CEP290: variants seen among roughly 807,000 people sequenced by gnomAD.
The protein encoded by CEP290 is centrosomal protein of 290 kDa.
Under a neutral mutation model 344.9 loss-of-function variants are expected in CEP290, and 317 were observed. That is an observed-to-expected ratio of 0.92 (90% confidence interval 0.84 to 1.01). The LOEUF is 1.01. Among genes scored for constraint, CEP290 ranks in the 50% least tolerant of loss-of-function variants. The probability of loss-of-function intolerance (pLI) is 0.00; values close to 1 mark genes in which losing one functional copy is unlikely to be tolerated. For missense variants in CEP290, 2,754 were observed against 2,761.4 expected (o/e 1.00, Z 0.06); for synonymous variants, 932 against 895.8 (o/e 1.04, Z -0.72).
intron 23 of CEP290, among the ~76,000 whole-genome samples, chr12:88,107,408 A>G (rs906269201): frequency 7.2e-5 from 11 of 152,120 alleles, no homozygotes; most frequent in African/African-American, 1.7e-4. Flanking sequence ...ACAGAAAAAA[A>G]GTAGGAAAAT....
intron 27 of CEP290, among the ~76,000 whole-genome samples, chr12:88,095,059 C>T (rs989688112): frequency 6.6e-6 from 1 of 152,100 alleles, no homozygotes; most frequent in African/African-American, 2.4e-5. Flanking sequence ...CTAACAGGTG[C>T]TAAAAGCATT....
At chr12:88,136,813 A>G in intron 5 of CEP290, 27 bp from the exon 6 acceptor site, 2 of 1,603,738 alleles carry the variant, frequency 1.2e-6, no homozygotes. Context: ...CAAAGTATAA[A>G]TTAATCCCAT....
intron 37 of CEP290, 30 bp from the exon 38 acceptor site, chr12:88,080,425 G>T (rs751590425): frequency 3.0e-5 from 45 of 1,507,534 alleles, no homozygotes; most frequent in Middle Eastern, 1.7e-4. Context: ...GTGTGTGTGT[G>T]TTTTTTAATT....
intron 17 of CEP290, among the ~76,000 whole-genome samples, chr12:88,118,128 T>C (rs1469026688): frequency 2.6e-5 from 4 of 151,844 alleles, no homozygotes; most frequent in African/African-American, 9.7e-5. Flanking sequence ...TTGAGTAACA[T>C]ATATTAACAT....
At chr12:88,129,951 C>A in intron 9 of CEP290, 75 bp from the exon 10 acceptor site, 1 of 974,972 alleles carries the variant, frequency 1.0e-6, no homozygotes, top group Non-Finnish European at 1.4e-6. Flanking sequence ...TAAAATTAAA[C>A]GCAGCCATAA....
At position 88,106,898 on chromosome 12, in the gene CEP290, A is replaced by G. The variant is rs1468696400; in HGVS notation, c.2594T>C (p.Leu865Pro). ...AIKVKEYNNL[L>P]NALQMDSDEM... is the part of the protein sequence containing the mutation. ...ATCCGAATCCATCTGAAGAGCATTG[A>G]GCAAATTCTGCACAAAGACACATCC... The change falls in exon 25 of 54, where the codon CTC (leucine) becomes CCC (proline). Residue 865 changes from leucine (L) to proline (P), a missense_variant. By Grantham distance (98) the Leu-to-Pro change is moderately conservative. Transcript: ENST00000552810. The G allele has an allele frequency of 2.5e-6, 4 of 1,603,094 alleles. No individual in the cohort carries two copies. Among genetic ancestry groups the G allele is most frequent in the African/African-American group, 1.3e-5 (1 of 74,862 alleles).
Position 88,128,989 on chromosome 12 carries a change from T to C in CEP290, c.899A>G (p.Asp300Gly). The stretch of plus-strand genomic sequence containing the variant: ...TGCATTGACAGCTACCATAATTGGA[T>C]CATCTTCTTCATTTTTTGATTTCAG... The part of the protein sequence containing the change: ...DLLKSKNEED[D>G]PIMVAVNAKV... Residue 300 changes from aspartate (D) to glycine (G), a missense_variant, in exon 11 of 54, where the codon GAT (aspartate) becomes GGT (glycine). Coordinates refer to ENST00000552810, the MANE Select transcript of CEP290 (RefSeq NM_025114.4). 6.5e-7 allele frequency: 1 copy of C among 1,539,552 alleles called. No individual in the cohort carries two copies. Among genetic ancestry groups the C allele is most frequent in the East Asian group, 2.5e-5 (1 of 40,482 alleles).
Position 88,142,059 on chromosome 12 carries a change from CA to C in CEP290, c.-188del, listed in dbSNP as rs1207384578. 6.6e-6 allele frequency: 1 copy of C among 152,560 alleles called. No individual in the cohort carries two copies. The highest frequency in any genetic ancestry group is 1.5e-5 in the Non-Finnish European group (1 of 68,322). The allele number at this position is 152,560 out of a possible 1,614,324, so 9.5% of individuals were successfully genotyped here. ...CAAAGCGGCAGCGGCTGCTAGGCGA[CA>C]CCATCCCCAACTCCGCCAAGGCCAG... On this transcript the variant is annotated 5_prime_UTR_variant, in exon 1 of 54. An upstream open reading frame in the 5' UTR gains an earlier in-frame stop. Transcript: ENST00000552810.
intron 44 of CEP290, among the ~76,000 whole-genome samples, chr12:88,064,613 C>T (rs971302394): frequency 6.6e-6 from 1 of 151,934 alleles, no homozygotes; most frequent in Non-Finnish European, 1.5e-5. Context: ...TGACTGGTAT[C>T]CTTATGAAAA....
intron 52 of CEP290, chr12:88,051,916 T>C (rs564052056): frequency 1.3e-5 from 2 of 152,348 alleles, no homozygotes; most frequent in African/African-American, 4.8e-5. Context: ...TAGCATAGCA[T>C]AGCGGGTTAA....
At chr12:88,054,547 C>A in intron 50 of CEP290, 134 bp from the exon 51 acceptor site, 1 of 651,970 alleles carries the variant, frequency 1.5e-6, no homozygotes, top group Non-Finnish European at 2.6e-6. Context: ...TTTCTATGTT[C>A]TATTCACCAT....
Position 88,139,172 on chromosome 12 carries a change from T to G in CEP290, c.270A>C (p.Lys90Asn). Residue 90 changes from lysine to asparagine, a missense_variant, in exon 5 of 54, where the codon AAA becomes AAC. Transcript: ENST00000552810. Reference sequence around the variant, plus strand: ...CCAGTTCATTTTCCAGTTTCATTACTTTAGTTTTTAATTGATTTTCTATTT... The same window carrying G: ...CCAGTTCATTTTCCAGTTTCATTACGTTAGTTTTTAATTGATTTTCTATTT... ...QAKFENQLKT[K>N]VMKLENELEM... 1.7e-6 allele frequency: 2 copies of G among 1,199,068 alleles called. No homozygotes were observed. Among genetic ancestry groups the G allele is most frequent in the Non-Finnish European group, 2.3e-6 (2 of 875,922 alleles). 74.3% of individuals were successfully genotyped at this position (1,199,068 alleles called of 1,614,324 possible).
Position 88,126,188 on chromosome 12 carries a change from A to T in CEP290, c.1065+128T>A, listed in dbSNP as rs2039717282. The T allele has an allele frequency of 6.1e-6, 4 of 659,646 alleles. No homozygotes were observed. In the South Asian group the frequency reaches 2.3e-4, roughly 38 times the overall value. 40.9% of individuals were successfully genotyped at this position (659,646 alleles called of 1,614,324 possible). On this transcript the variant is annotated intron_variant, in intron 12 of 53. Coordinates refer to ENST00000552810, the MANE Select transcript of CEP290 (RefSeq NM_025114.4). ...CAGGTGGTAGAAGAAATTTCAAAAG[A>T]CATTATTATACACTTGGTAGTACCA...
At chr12:88,072,026 T>C (rs2035415725) in intron 41 of CEP290, 100 bp from the exon 42 acceptor site, 2 of 1,086,782 alleles carry the variant, frequency 1.8e-6, no homozygotes, top group Non-Finnish European at 2.5e-6. Flanking sequence ...TGTAAACTAA[T>C]ATTTCCTAGA....
chr12:88,136,001 A>T (rs2040335035), intron 6 of CEP290: 2 of 152,224 alleles, frequency 1.3e-5, no homozygotes, highest in South Asian at 4.1e-4. Flanking sequence ...TCTGCAAAAA[A>T]CTTTTTTCCT....
chr12:88,107,127 T>A (rs752685778), intron 23 of CEP290, 29 bp from the exon 24 acceptor site: 1 of 1,298,794 alleles, frequency 7.7e-7, no homozygotes, highest in Non-Finnish European at 1.1e-6. Context: ...AAAAAGACAA[T>A]ACTGTAAACC....
chr12:88,085,954 T>G, intron 34 of CEP290, 85 bp downstream of exon 34: 1 of 1,237,998 alleles, frequency 8.1e-7, no homozygotes, highest in Non-Finnish European at 1.1e-6. Context: ...ATTCTATGCA[T>G]TGCCCTCATA....
intron 34 of CEP290, 60 bp downstream of exon 34, chr12:88,085,979 A>C: frequency 1.4e-6 from 2 of 1,452,794 alleles, no homozygotes; most frequent in Non-Finnish European, 9.3e-7. Flanking sequence ...AATATTATTT[A>C]GAAAGCCCCC....
At chr12:88,066,005 G>A (rs1050226701) in intron 44 of CEP290, among the ~76,000 whole-genome samples, 5 of 152,092 alleles carry the variant, frequency 3.3e-5, no homozygotes, top group Non-Finnish European at 7.4e-5. Context: ...TAGTGGATAG[G>A]AGTTAGAGAT....
Sources: gnomAD v4.1 joint callset for allele counts (sites outside exome capture counted in the v4.1 genomes callset) on GRCh38, gnomAD v4.1.1 for gene constraint, MANE v1.5 for transcripts, NCBI Gene and HGNC (gene_info 2026-07-23, HGNC 2026-07-21) for gene names.